The following DDX52 variants were observed in gnomAD, a reference collection of about 807,000 sequenced individuals.
DDX52 encodes the protein DExD-box helicase 52, also known as probable ATP-dependent RNA helicase DDX52.
DDX52 carries 59 observed loss-of-function variants against 76.1 expected under a neutral mutation model. The observed-to-expected ratio is 0.78, with a 90% confidence interval of 0.63 to 0.96. The LOEUF (loss-of-function observed/expected upper bound fraction) is 0.96, where lower values mean the gene tolerates loss of function less well. Among genes scored for constraint, DDX52 ranks in the 40% least tolerant of loss-of-function variants. The pLI is 0.00. For synonymous variants in DDX52, 231 were observed against 244.1 expected (o/e 0.95, Z 0.50); for missense variants, 707 against 703.9 (o/e 1.00, Z -0.05).
chr17:37,635,638 T>C (rs994467553), intron 2 of DDX52: 3 of 455,830 alleles, frequency 6.6e-6, no homozygotes, highest in Non-Finnish European at 1.3e-5. Context: ...TTCCAGCTTT[T>C]GGCTATAAGC....
chr17:37,628,432 A>T, intron 6 of DDX52, 129 bp downstream of exon 6: 1 of 713,072 alleles, frequency 1.4e-6, no homozygotes, highest in Non-Finnish European at 2.3e-6. Flanking sequence ...GGATCGCTTT[A>T]GTTCTTCTAA....
intron 11 of DDX52, 59 bp from the exon 12 acceptor site, chr17:37,621,007 C>A: frequency 6.4e-7 from 1 of 1,562,178 alleles, no homozygotes; most frequent in South Asian, 1.2e-5. Flanking sequence ...TCTCAAAATT[C>A]ATTTATAAAA....
chr17:37,643,236 C>A (rs1209434178), intron 1 of DDX52, 98 bp downstream of exon 1: 7 of 1,309,346 alleles, frequency 5.3e-6, no homozygotes, highest in Admixed American at 2.3e-5. Context: ...AGCCAGGCCA[C>A]GGGTGTCCAA....
intron 14 of DDX52, chr17:37,614,929 C>A (rs2064407226): frequency 1.3e-5 from 2 of 152,258 alleles, no homozygotes; most frequent in African/African-American, 2.4e-5. Context: ...ATACAAAGTT[C>A]TTTGGTGTAT....
chr17:37,622,259 C>A (rs2030138934), intron 9 of DDX52, among the ~76,000 whole-genome samples: 1 of 151,740 alleles, frequency 6.6e-6, no homozygotes. Flanking sequence ...AACCAGCTAT[C>A]TTTTTAACCG....
At chr17:37,629,931 C>T (rs1328794843) in intron 5 of DDX52, 99 bp downstream of exon 5, 25 of 1,493,952 alleles carry the variant, frequency 1.7e-5, no homozygotes, top group East Asian at 6.8e-5. Context: ...TGACAGAAGA[C>T]GTGGGCCTTG....
intron 7 of DDX52, among the ~76,000 whole-genome samples, chr17:37,626,309 C>T (rs1336052317): frequency 1.3e-5 from 2 of 152,068 alleles, no homozygotes; most frequent in African/African-American, 4.8e-5. Context: ...GAATTGTAAT[C>T]CTCACGTGTT....
intron 14 of DDX52, among the ~76,000 whole-genome samples, chr17:37,617,042 C>A (rs1370899919): frequency 6.6e-6 from 1 of 152,130 alleles, no homozygotes; most frequent in East Asian, 1.9e-4. Context: ...TTTCTCTTAT[C>A]TCCTATTTTA....
intron 2 of DDX52, among the ~76,000 whole-genome samples, chr17:37,641,355 T>C (rs1464953506): frequency 3.3e-5 from 5 of 150,104 alleles, no homozygotes; most frequent in African/African-American, 4.9e-5. Flanking sequence ...TGAGCCGAGA[T>C]TGCACCACTG....
rs2064386474 is a variant in DDX52 at position 37,613,100 on chromosome 17, G to T, written c.*1196C>A. On this transcript the variant is annotated 3_prime_UTR_variant, in exon 15 of 15. Transcript: ENST00000617633. ...TACAAATAGAGGAAATAAATAAGTTGAATTCAAATGCTGCTGAGAAAAGGC... is the reference window on the plus strand; with the variant it reads ...TACAAATAGAGGAAATAAATAAGTTTAATTCAAATGCTGCTGAGAAAAGGC... 1 of 152,178 alleles carries T rather than the reference G, an allele frequency of 6.6e-6. No individual in the cohort carries two copies. Among genetic ancestry groups the T allele is most frequent in the Non-Finnish European group, 1.5e-5 (1 of 68,028 alleles). 9.4% of individuals were successfully genotyped at this position (152,178 alleles called of 1,614,324 possible). A position where few individuals can be genotyped will look rare whatever the true frequency, so the allele number is the denominator to read the frequency against.
At position 37,610,290 on chromosome 17, in the gene DDX52, A is replaced by ATTTTTTTTT. The variant is rs33944123; in HGVS notation, c.*3997_*4005dup. 1 of 77,950 alleles carries ATTTTTTTTT rather than the reference A, an allele frequency of 1.3e-5. No homozygotes were observed. Among genetic ancestry groups the ATTTTTTTTT allele is most frequent in the Non-Finnish European group, 2.3e-5 (1 of 43,038 alleles). The allele number at this position is 77,950 out of a possible 1,614,324, so 4.8% of individuals were successfully genotyped here. On this transcript the variant is annotated 3_prime_UTR_variant, in exon 15 of 15. Transcript: ENST00000617633. ...AGGCATGCACCACCACACCGGGCCA[A>ATTTTTTTTT]TTTTTTTTTTTTTTTTTTTTTTTTT...
Position 37,625,992 on chromosome 17 carries a change from C to T in DDX52, c.1039G>A (p.Val347Ile). Residue 347 changes from valine to isoleucine, a missense_variant, in exon 8 of 15, where the codon GTC becomes ATC. Val to Ile is a conservative substitution (Grantham distance 29). Transcript: ENST00000617633. ...SIFLACTSHK[V>I]RRAMFSATFA... is the part of the protein sequence containing the mutation. ...GTTGCACTGAACATAGCTCTTCGGA[C>T]CTTGTGGGATGTGCAGGCCAGGAAA... 6.2e-7 allele frequency: 1 copy of T among 1,614,154 alleles called. No homozygotes were observed.
At chr17:37,633,201 C>T (rs2030761327) in intron 3 of DDX52, 87 bp downstream of exon 3, 2 of 1,350,984 alleles carry the variant, frequency 1.5e-6, no homozygotes, top group African/African-American at 1.5e-5. Context: ...ACTATATTCA[C>T]ATTAACAACA....
At chr17:37,620,817 T>C in intron 12 of DDX52, 56 bp downstream of exon 12, 2 of 1,479,244 alleles carry the variant, frequency 1.4e-6, no homozygotes, top group South Asian at 1.3e-5. Flanking sequence ...TGAATATACA[T>C]ATAAGAATAA....
At chr17:37,638,213 A>G (rs1039083913) in intron 2 of DDX52, among the ~76,000 whole-genome samples, 1 of 152,204 alleles carries the variant, frequency 6.6e-6, no homozygotes, top group African/African-American at 2.4e-5. Context: ...ACTTTCTGGA[A>G]GGCCAAAGAG....
At chr17:37,630,226 G>A in intron 4 of DDX52, 53 bp from the exon 5 acceptor site, 2 of 1,478,766 alleles carry the variant, frequency 1.4e-6, no homozygotes, top group African/African-American at 2.9e-5. Flanking sequence ...AAATTTTTCA[G>A]AGCCTGGTCA....
rs768617516 is a variant in DDX52 at position 37,614,367 on chromosome 17, A to G, written c.1743-14T>C. The G allele has an allele frequency of 6.2e-7, 1 of 1,604,624 alleles. No homozygotes were observed. Among genetic ancestry groups the G allele is most frequent in the Non-Finnish European group, 8.5e-7 (1 of 1,177,480 alleles). On this transcript the variant is annotated splice_polypyrimidine_tract_variant and intron_variant, in intron 14 of 14. Transcript: ENST00000617633. ...GTGACCTTTTTCCTGTAAAGAGCAA[A>G]GTAAGAAAAATTGAATAAAAAATTC...
At chr17:37,637,364 C>G (rs554058513) in intron 2 of DDX52, among the ~76,000 whole-genome samples, 1 of 151,192 alleles carries the variant, frequency 6.6e-6, no homozygotes, top group East Asian at 2.0e-4. Context: ...CTCCTAACCT[C>G]AGGTGATCCA....
Position 37,626,876 on chromosome 17 carries a change from A to G in DDX52, c.860-16T>C, listed in dbSNP as rs890893561. On this transcript the variant is annotated splice_polypyrimidine_tract_variant and intron_variant, in intron 6 of 14. Coordinates refer to ENST00000617633, the MANE Select transcript of DDX52 (RefSeq NM_007010.5). Reference sequence around the variant, plus strand: ...ACAAGAATATCTATAGGAAAAACAAATGGTAGAAATTGCAAAAACAGGATT... The same window carrying G: ...ACAAGAATATCTATAGGAAAAACAAGTGGTAGAAATTGCAAAAACAGGATT... The G allele has an allele frequency of 2.5e-6, 4 of 1,600,980 alleles. No homozygotes were observed. The highest frequency in any genetic ancestry group is 1.8e-5 in the Admixed American group (1 of 56,948).
Sources: allele counts gnomAD v4.1 joint callset (sites outside exome capture counted in the v4.1 genomes callset), GRCh38; gene constraint gnomAD v4.1.1; transcripts MANE v1.5; gene names NCBI Gene and HGNC (gene_info 2026-07-23, HGNC 2026-07-21).